Variants in SEZ6 observed in about 807,000 individuals in gnomAD.
SEZ6 encodes seizure related 6 homolog, also known as seizure protein 6 homolog.
SEZ6 carries 53 observed loss-of-function variants against 101.0 expected under a neutral mutation model. That is an observed-to-expected ratio of 0.52 (90% CI 0.42 to 0.66). SEZ6 has a LOEUF of 0.66. SEZ6 is among the 30% of genes least tolerant of loss of function. The pLI, the probability that SEZ6 is intolerant of heterozygous loss-of-function variation, is 0.00. For missense variants in SEZ6, 1,102 were observed against 1,289.4 expected (o/e 0.85, Z 2.23); for synonymous variants, 488 against 512.2 (o/e 0.95, Z 0.64).
In SEZ6 at chr17:28,958,011, T is replaced by G. The variant is rs760904848; in HGVS notation, c.2238A>C (p.Gly746=). The part of the protein sequence containing the change: ...YQCYPGYQVV[G]SSVLMCQWDL... ...CCCACTGGCACATGAGGACACTGGA[T>G]CCCACTACCTGGTAGCCAGGGTAGC... Residue 746 remains glycine (G), a synonymous_variant, in exon 11 of 17, where the codon GGA becomes GGC. Coordinates refer to ENST00000317338, the MANE Select transcript of SEZ6 (RefSeq NM_178860.5). 1.2e-6 allele frequency: 2 copies of G among 1,613,958 alleles called. No individual in the cohort carries two copies. The highest frequency in any genetic ancestry group is 1.7e-5 in the Admixed American group (1 of 60,016).
chr17:29,001,612 T>TAAG (rs1167354631), intron 1 of SEZ6, among the ~76,000 whole-genome samples: 12 of 152,206 alleles, frequency 7.9e-5, no homozygotes, highest in Non-Finnish European at 1.6e-4. Flanking sequence ...GAAAGGCTGA[T>TAAG]AAGAGCCCAA....
At chr17:28,989,024 T>C (rs2041421751) in intron 1 of SEZ6, among the ~76,000 whole-genome samples, 1 of 152,128 alleles carries the variant, frequency 6.6e-6, no homozygotes, top group South Asian at 2.1e-4. Context: ...GGGGTAACTG[T>C]GGGCTTTGGC....
chr17:28,995,514 G>A (rs1267958764), intron 1 of SEZ6, among the ~76,000 whole-genome samples: 1 of 152,184 alleles, frequency 6.6e-6, no homozygotes, highest in African/African-American at 2.4e-5. Flanking sequence ...TGGAGAAACA[G>A]GGTCTGAGAG....
chr17:28,964,177 A>G, intron 4 of SEZ6, 30 bp from the exon 5 acceptor site: 1 of 806,846 alleles, frequency 1.2e-6, no homozygotes, highest in Non-Finnish European at 1.9e-6. Context: ...GACACTGTGT[A>G]TGTGTGCAGG....
At chr17:28,971,425 T>G (rs538772794) in intron 3 of SEZ6, among the ~76,000 whole-genome samples, 1 of 152,138 alleles carries the variant, frequency 6.6e-6, no homozygotes, top group Admixed American at 6.5e-5. Flanking sequence ...AAACCCCGTC[T>G]CTACTAAAAA....
chr17:28,982,017 G>C lies in SEZ6; in HGVS notation c.78C>G (p.Thr26=). Residue 26 remains threonine (T), a synonymous_variant, in exon 2 of 17, where the codon ACC becomes ACG. Transcript: ENST00000317338. ...TGCCTGGGGCTTGTCCTTTCCCCACGGTTGGGGCCTCTAAAGAGAGTCCTG... is the reference window on the plus strand; with the variant it reads ...TGCCTGGGGCTTGTCCTTTCCCCACCGTTGGGGCCTCTAAAGAGAGTCCTG... ...LAHGLSLEAP[T]VGKGQAPGIE... 1.9e-6 allele frequency: 3 copies of C among 1,603,824 alleles called. No individual in the cohort carries two copies. The highest frequency in any genetic ancestry group is 2.6e-6 in the Non-Finnish European group (3 of 1,174,860).
chr17:28,979,128 G>T (rs1450066387), intron 3 of SEZ6, among the ~76,000 whole-genome samples: 1 of 152,104 alleles, frequency 6.6e-6, no homozygotes, highest in South Asian at 2.1e-4. Flanking sequence ...TGTAGCCTCA[G>T]GCCTCGGGAT....
At chr17:28,960,483 A>C in intron 7 of SEZ6, 22 bp downstream of exon 7, 2 of 1,579,312 alleles carry the variant, frequency 1.3e-6, no homozygotes, top group South Asian at 2.3e-5. Flanking sequence ...CGCCACCCCC[A>C]GTGAGGCCCC....
chr17:28,962,937 A>G (rs2041006176), intron 5 of SEZ6, among the ~76,000 whole-genome samples: 1 of 152,018 alleles, frequency 6.6e-6, no homozygotes, highest in South Asian at 2.1e-4. Context: ...ATCTTGGCTA[A>G]CATGGTGAAA....
intron 11 of SEZ6, 151 bp downstream of exon 11, chr17:28,957,796 T>C (rs751688437): frequency 4.1e-4 from 395 of 967,476 alleles, no homozygotes; most frequent in Non-Finnish European, 5.8e-4. Flanking sequence ...AAAAGTATCA[T>C]CCCCATTTCA....
rs930960669 is a variant in SEZ6, at chr17:28,994,631, G to A, written c.55+11184C>T. On this transcript the variant is annotated intron_variant, in intron 1 of 16. Coordinates refer to ENST00000317338, the MANE Select transcript of SEZ6 (RefSeq NM_178860.5). ...TCACCGTGTTAGCCAGGATGGTCTC[G>A]ATCTCCTGACCTTGTGATCCACCTG... 3.2e-4 allele frequency among the ~76,000 whole-genome samples: 49 copies of A among 151,910 alleles called. 1 individual carries two copies. Among genetic ancestry groups the A allele is most frequent in the South Asian group, 2.3e-3 (11 of 4,814 alleles).
chr17:28,983,530 A>C (rs925271023), intron 1 of SEZ6, among the ~76,000 whole-genome samples: 2 of 152,148 alleles, frequency 1.3e-5, no homozygotes, highest in African/African-American at 2.4e-5. Flanking sequence ...CTCTGGTCTG[A>C]GGTACAGATT....
At chr17:28,979,105 A>G (rs1473826588) in intron 3 of SEZ6, among the ~76,000 whole-genome samples, 1 of 152,136 alleles carries the variant, frequency 6.6e-6, no homozygotes, top group Non-Finnish European at 1.5e-5. Flanking sequence ...CCTGTGGGAC[A>G]TCTGTGAGGA....
Position 28,995,119 on chromosome 17 carries a change from C to T in SEZ6, c.55+10696G>A, listed in dbSNP as rs143181938. Among the ~76,000 whole-genome samples the T allele has an allele frequency of 5.8e-3, 869 of 149,318 alleles. 7 individuals are homozygous for T. Among genetic ancestry groups the T allele is most frequent in the African/African-American group, 0.02 (802 of 40,564 alleles). ...CGATCTCCTGACCTCGTGACCCACCCGCCTTGGCCTCCCAAAGTGCTTGGA... is the reference window on the plus strand; with the variant it reads ...CGATCTCCTGACCTCGTGACCCACCTGCCTTGGCCTCCCAAAGTGCTTGGA... On this transcript the variant is annotated intron_variant, in intron 1 of 16. Coordinates refer to ENST00000317338, the MANE Select transcript of SEZ6 (RefSeq NM_178860.5).
chr17:28,999,874 C>T (rs2041592031), intron 1 of SEZ6, among the ~76,000 whole-genome samples: 2 of 152,186 alleles, frequency 1.3e-5, no homozygotes, highest in African/African-American at 4.8e-5. Context: ...TCACCTGACT[C>T]CCAGCCCCTT....
intron 4 of SEZ6, among the ~76,000 whole-genome samples, chr17:28,967,502 C>G (rs1409920684): frequency 1.3e-5 from 2 of 152,180 alleles, no homozygotes; most frequent in East Asian, 1.9e-4. Flanking sequence ...CAAGCCTGCT[C>G]TGGGTGGTTG....
At chr17:28,982,156 T>C (rs777985369) in intron 1 of SEZ6, 117 bp from the exon 2 acceptor site, 9 of 1,427,082 alleles carry the variant, frequency 6.3e-6, no homozygotes, top group African/African-American at 4.3e-5. Context: ...AGGAGCGTGC[T>C]CACTGCTGAG....
intron 3 of SEZ6, among the ~76,000 whole-genome samples, chr17:28,976,369 C>T (rs1598195152): frequency 6.6e-6 from 1 of 152,188 alleles, no homozygotes; most frequent in Admixed American, 6.5e-5. Context: ...TGCTAGGGTC[C>T]CAGCATGGTG....
rs956388609 is a variant in SEZ6, at chr17:28,955,764, G to T, written c.*198C>A. On this transcript the variant is annotated 3_prime_UTR_variant, in exon 17 of 17. Coordinates refer to ENST00000317338, the MANE Select transcript of SEZ6 (RefSeq NM_178860.5). ...GGGCCCAATGAAGGGCCCCAAGTGG[G>T]CAATGACACCAAGAAAATAGGCCAT... 2 of 722,408 alleles carry T rather than the reference G, an allele frequency of 2.8e-6. No individual in the cohort carries two copies. Among genetic ancestry groups the T allele is most frequent in the Non-Finnish European group, 5.0e-6 (2 of 403,034 alleles). 44.7% of individuals were successfully genotyped at this position (722,408 alleles called of 1,614,324 possible).
Sources: allele counts gnomAD v4.1 joint callset (sites outside exome capture counted in the v4.1 genomes callset), GRCh38; gene constraint gnomAD v4.1.1; transcripts MANE v1.5; gene names NCBI Gene and HGNC (gene_info 2026-07-23, HGNC 2026-07-21).